The following SPHKAP variants were observed in gnomAD, a reference collection of about 807,000 sequenced individuals.
The protein encoded by SPHKAP is A-kinase anchor protein SPHKAP.
A neutral mutation model predicts 137.5 loss-of-function variants in SPHKAP; 67 were observed. That is an observed-to-expected ratio of 0.49 (90% CI 0.40 to 0.60). SPHKAP has a LOEUF of 0.60. Among genes scored for constraint, SPHKAP ranks in the 20% least tolerant of loss-of-function variants. The probability of loss-of-function intolerance (pLI) is 0.00; values close to 1 mark genes in which losing one functional copy is unlikely to be tolerated. For missense variants in SPHKAP, 2,097 were observed against 2,069.3 expected, an observed-to-expected ratio of 1.01 and a Z score of -0.26; for synonymous variants, 813 against 785.3, an observed-to-expected ratio of 1.04 and a Z score of -0.59.
At chr2:228,002,284 T>G (rs548802854) in intron 7 of SPHKAP, among the ~76,000 whole-genome samples, 1 of 152,322 alleles carries the variant, frequency 6.6e-6, no homozygotes, top group African/African-American at 2.4e-5. Context: ...AGATGATATC[T>G]CATTGTGGTT....
In SPHKAP at chr2:228,173,682, C is replaced by T. The variant is rs558853429; in HGVS notation, c.32+7885G>A. 5.9e-5 allele frequency among the ~76,000 whole-genome samples: 9 copies of T among 152,172 alleles called. No homozygotes were observed. In the South Asian group the frequency reaches 8.3e-4, roughly 14 times the overall value. On this transcript the variant is annotated intron_variant, in intron 1 of 11. Transcript: ENST00000392056. ...CCTCCAGAAAGGAATGCAGCCCTGG[C>T]GGCACCTTGATTTTATCCCAGTGAG...
intron 1 of SPHKAP, among the ~76,000 whole-genome samples, chr2:228,138,339 GCT>G (rs1699497819): frequency 6.6e-6 from 1 of 152,190 alleles, no homozygotes; most frequent in African/African-American, 2.4e-5. Flanking sequence ...TGCACCGACA[GCT>G]CTCACTCCTG....
At chr2:228,124,390 A>G (rs1699005634) in intron 2 of SPHKAP, among the ~76,000 whole-genome samples, 1 of 152,092 alleles carries the variant, frequency 6.6e-6, no homozygotes, top group South Asian at 2.1e-4. Context: ...ACACCATGGA[A>G]TACTATGCAG....
chr2:228,022,219 T>C lies in SPHKAP; in HGVS notation c.442-253A>G, dbSNP rs1486267169. The C allele has an allele frequency of 3.0e-6, 3 of 985,074 alleles. No individual in the cohort carries two copies. In the East Asian group the frequency reaches 3.4e-4, roughly 112 times the overall value. The allele number at this position is 985,074 out of a possible 1,614,324, so 61.0% of individuals were successfully genotyped here. ...CTGTATCACATATTTTAATTTCCCTTGGTCAAAGCAAAAATTCAACTGGGT... is the reference window on the plus strand; with the variant it reads ...CTGTATCACATATTTTAATTTCCCTCGGTCAAAGCAAAAATTCAACTGGGT... On this transcript the variant is annotated intron_variant, in intron 5 of 11. Coordinates refer to ENST00000392056, the MANE Select transcript of SPHKAP (RefSeq NM_001142644.2).
chr2:228,099,769 G>A (rs796730711), intron 3 of SPHKAP, among the ~76,000 whole-genome samples: 25 of 151,570 alleles, frequency 1.6e-4, no homozygotes, highest in African/African-American at 6.1e-4. Context: ...ATCCTAAAAT[G>A]TGTGTGTGTT....
intron 3 of SPHKAP, among the ~76,000 whole-genome samples, chr2:228,084,127 G>C (rs546836150): frequency 6.6e-6 from 1 of 151,252 alleles, no homozygotes; most frequent in East Asian, 1.9e-4. Context: ...AAAAAGAAAT[G>C]ATGCCTACTA....
In SPHKAP at chr2:228,018,329, T is replaced by C; in HGVS notation, c.2525A>G (p.Asp842Gly). ...EIYLKGIAGE[D>G]TKSPHHSENE... ...CTCACTGTGATGAGGGCTTTTTGTA[T>C]CCTCTCCTGCTATTCCTTTCAGATA... The change falls in exon 7 of 12, where the codon GAT (aspartate) becomes GGT (glycine). Residue 842 changes from aspartate to glycine, a missense_variant. Asp to Gly is a moderately conservative substitution (Grantham distance 94). Coordinates refer to ENST00000392056, the MANE Select transcript of SPHKAP (RefSeq NM_001142644.2). The C allele has an allele frequency of 6.2e-7, 1 of 1,614,202 alleles. No homozygotes were observed. The highest frequency in any genetic ancestry group is 8.5e-7 in the Non-Finnish European group (1 of 1,180,020).
At chr2:228,164,675 G>T (rs1453786390) in intron 1 of SPHKAP, among the ~76,000 whole-genome samples, 1 of 152,036 alleles carries the variant, frequency 6.6e-6, no homozygotes, top group African/African-American at 2.4e-5. Flanking sequence ...ACCTATTCTG[G>T]CCCCTACCTT....
At chr2:228,052,780 C>T (rs1473912628) in intron 3 of SPHKAP, among the ~76,000 whole-genome samples, 2 of 151,430 alleles carry the variant, frequency 1.3e-5, no homozygotes, top group Non-Finnish European at 2.9e-5. Context: ...TGTTTTATTC[C>T]TTTTATGTTA....
chr2:228,093,712 G>T (rs112364767), intron 3 of SPHKAP, among the ~76,000 whole-genome samples: 1,525 of 125,614 alleles, frequency 0.012, 21 homozygotes, highest in African/African-American at 0.044. Flanking sequence ...GGAAAAATTA[G>T]CTGAGAGTGG....
chr2:228,150,983 G>A lies in SPHKAP; in HGVS notation c.33-18898C>T, dbSNP rs151092698. On this transcript the variant is annotated intron_variant, in intron 1 of 11. Transcript: ENST00000392056. ...GTTTTAGGGTACATGTGCACAATGT[G>A]CAGGTTAGTTTCATGTGTATACATG... Among the ~76,000 whole-genome samples the A allele has an allele frequency of 5.7e-3, 869 of 151,866 alleles. 13 individuals are homozygous for A. The highest frequency in any genetic ancestry group is 0.02 in the African/African-American group (811 of 41,402).
intron 1 of SPHKAP, among the ~76,000 whole-genome samples, chr2:228,133,650 G>A (rs146463943): frequency 1.2e-4 from 19 of 152,254 alleles, no homozygotes; most frequent in African/African-American, 4.6e-4. Context: ...AATGCAACAT[G>A]TAGATGGTTT....
At chr2:228,002,066 A>G (rs1326398809) in intron 7 of SPHKAP, among the ~76,000 whole-genome samples, 2 of 152,114 alleles carry the variant, frequency 1.3e-5, no homozygotes, top group Non-Finnish European at 2.9e-5. Context: ...ATGATTTATA[A>G]TCCTTTGGGT....
intron 3 of SPHKAP, among the ~76,000 whole-genome samples, chr2:228,053,860 T>G (rs942062605): frequency 3.9e-5 from 6 of 152,226 alleles, no homozygotes; most frequent in African/African-American, 1.2e-4. Flanking sequence ...TTGTCCCATT[T>G]TCTTTGTCCT....
Position 228,036,134 on chromosome 2 carries a change from C to G in SPHKAP, c.247-8591G>C, listed in dbSNP as rs540562802. ...GAGAAAATTTTTGCAATCTACTCAT[C>G]TGACAAAGGGCTAATATCCAGAATC... On this transcript the variant is annotated intron_variant, in intron 3 of 11. Coordinates refer to ENST00000392056, the MANE Select transcript of SPHKAP (RefSeq NM_001142644.2). Among the ~76,000 whole-genome samples, 107 of 150,010 alleles carry G rather than the reference C, an allele frequency of 7.1e-4. 1 individual carries two copies. The highest frequency in any genetic ancestry group is 3.4e-3 in the Middle Eastern group (1 of 294).
In SPHKAP at chr2:228,021,715, C is replaced by T. The variant is rs1485984810; in HGVS notation, c.693G>A (p.Arg231=). The stretch of plus-strand genomic sequence containing the variant: ...CACTAATTGGAAAGTTCTCACCGTT[C>T]CTAGATTCATCCACCTCGCTTTCCT... The part of the protein sequence containing the change: ...LEEESEVDES[R]NDYENINVSA... Residue 231 remains arginine (R), a synonymous_variant, in exon 6 of 12, where the codon AGG becomes AGA. Coordinates refer to ENST00000392056, the MANE Select transcript of SPHKAP (RefSeq NM_001142644.2). The T allele has an allele frequency of 3.7e-6, 6 of 1,611,444 alleles. No homozygotes were observed. In the African/African-American group the frequency reaches 4.0e-5, roughly 11 times the overall value.
chr2:228,117,884 G>T (rs1272212976), intron 2 of SPHKAP, among the ~76,000 whole-genome samples: 4 of 136,550 alleles, frequency 2.9e-5, no homozygotes, highest in Admixed American at 7.5e-5. Context: ...AAATTTTATT[G>T]GTTCATTGAA....
chr2:228,001,772 A>C (rs1440293962), intron 7 of SPHKAP, among the ~76,000 whole-genome samples: 1 of 151,464 alleles, frequency 6.6e-6, no homozygotes, highest in African/African-American at 2.4e-5. Flanking sequence ...TCCTGTGTCC[A>C]TGTGTTCTCA....
intron 7 of SPHKAP, among the ~76,000 whole-genome samples, chr2:228,009,969 A>G (rs1222028175): frequency 6.6e-6 from 1 of 152,164 alleles, no homozygotes; most frequent in African/African-American, 2.4e-5. Context: ...TTCATGCCTC[A>G]GTGTCCAGCA....
Sources: gnomAD v4.1 joint callset for allele counts (sites outside exome capture counted in the v4.1 genomes callset) on GRCh38, gnomAD v4.1.1 for gene constraint, MANE v1.5 for transcripts, NCBI Gene and HGNC (gene_info 2026-07-23, HGNC 2026-07-21) for gene names.